The following IL16 variants were observed in gnomAD, a reference collection of about 807,000 sequenced individuals.
The protein encoded by IL16 is interleukin 16, also known as pro-interleukin-16.
In IL16, 67 loss-of-function variants were observed where a neutral mutation model predicts 110.1. The observed-to-expected ratio is 0.61, with a 90% confidence interval of 0.50 to 0.75. The LOEUF (loss-of-function observed/expected upper bound fraction) is 0.75. IL16 is among the 30% of genes least tolerant of loss of function. The pLI is 0.00. For missense variants in IL16, 1,545 were observed against 1,655.0 expected (o/e 0.93, Z 1.15); for synonymous variants, 689 against 662.9 (o/e 1.04, Z -0.61).
intron 2 of IL16, among the ~76,000 whole-genome samples, chr15:81,232,099 A>C (rs1240518845): frequency 3.6e-5 from 3 of 84,500 alleles, no homozygotes; most frequent in African/African-American, 1.2e-4. Flanking sequence ...TTAAAACTAG[A>C]CTTGGTTTTT....
chr15:81,186,030 G>A (rs529183333), intron 1 of IL16, among the ~76,000 whole-genome samples: 43 of 152,240 alleles, frequency 2.8e-4, no homozygotes, highest in African/African-American at 9.4e-4. Flanking sequence ...TGCTGGTGGG[G>A]CAAGGTTTTG....
upstream of IL16, among the ~76,000 whole-genome samples, chr15:81,194,937 C>T (rs550451639): frequency 3.9e-5 from 6 of 152,218 alleles, no homozygotes; most frequent in South Asian, 1.2e-3. Context: ...CTAACCAGGG[C>T]GGGGCTCTCT....
chr15:81,188,692 A>C (rs1009011956), intron 1 of IL16, among the ~76,000 whole-genome samples: 1 of 151,918 alleles, frequency 6.6e-6, no homozygotes, highest in Non-Finnish European at 1.5e-5. Flanking sequence ...CTCTGTGTCT[A>C]TGCATCTGAT....
intron 1 of IL16, among the ~76,000 whole-genome samples, chr15:81,207,435 T>G (rs893258188): frequency 6.6e-6 from 1 of 152,096 alleles, no homozygotes; most frequent in African/African-American, 2.4e-5. Context: ...GGGATACATA[T>G]GCAGATTTGT....
chr15:81,276,898 T>C (rs1391514124), intron 6 of IL16, among the ~76,000 whole-genome samples: 1 of 151,936 alleles, frequency 6.6e-6, no homozygotes, highest in Non-Finnish European at 1.5e-5. Flanking sequence ...TCAGCAGAAA[T>C]AACAAAGAGG....
At chr15:81,259,931 A>G in intron 3 of IL16, 51 bp downstream of exon 3, 1 of 1,146,804 alleles carries the variant, frequency 8.7e-7, no homozygotes, top group Non-Finnish European at 1.3e-6. Flanking sequence ...CTGTTCCTGG[A>G]TAGCAGGACT....
chr15:81,223,975 A>G (rs1357656851), intron 1 of IL16, among the ~76,000 whole-genome samples: 5 of 152,192 alleles, frequency 3.3e-5, no homozygotes, highest in African/African-American at 1.2e-4. Context: ...ATGGATCAAA[A>G]CCGAATTAAT....
At chr15:81,257,985 AACAC>A (rs1408211984) in intron 2 of IL16, among the ~76,000 whole-genome samples, 1 of 152,144 alleles carries the variant, frequency 6.6e-6, no homozygotes, top group Non-Finnish European at 1.5e-5. Flanking sequence ...CCTGAAAGAA[AACAC>A]ACACACAGAC....
intron 1 of IL16, among the ~76,000 whole-genome samples, chr15:81,211,339 C>T (rs533905860): frequency 6.6e-6 from 1 of 152,156 alleles, no homozygotes; most frequent in Non-Finnish European, 1.5e-5. Flanking sequence ...GCAACCTCCA[C>T]CTCCCAGGTT....
chr15:81,263,200 A>G (rs923028073), intron 3 of IL16, among the ~76,000 whole-genome samples: 17 of 152,214 alleles, frequency 1.1e-4, no homozygotes, highest in Non-Finnish European at 2.2e-4. Context: ...AAGATGAAGA[A>G]GTTAGCTTGG....
chr15:81,248,719 C>CTTTTTTTTTTTTTTTTTTTTTCT (rs61480285), intron 2 of IL16, among the ~76,000 whole-genome samples: 1 of 112,246 alleles, frequency 8.9e-6, no homozygotes, highest in Non-Finnish European at 1.8e-5. Flanking sequence ...TTCTTTCTTT[C>CTTTTTTTTTTTTTTTTTTTTTCT]TTTTTTTTTT....
At chr15:81,206,209 G>T (rs569542748) in intron 1 of IL16, among the ~76,000 whole-genome samples, 1 of 151,674 alleles carries the variant, frequency 6.6e-6, no homozygotes, top group Admixed American at 6.5e-5. Context: ...TTTCATCGTC[G>T]TACAAACGTT....
At chr15:81,210,427 A>G (rs1034656034) in intron 1 of IL16, among the ~76,000 whole-genome samples, 2 of 152,234 alleles carry the variant, frequency 1.3e-5, no homozygotes, top group Non-Finnish European at 2.9e-5. Flanking sequence ...TAGGAATAGC[A>G]TTCAATCTTT....
intron 1 of IL16, among the ~76,000 whole-genome samples, chr15:81,214,723 G>A (rs868513378): frequency 3.3e-5 from 5 of 152,072 alleles, no homozygotes; most frequent in Non-Finnish European, 5.9e-5. Context: ...ATTTTCCAAG[G>A]TGCTTATTCT....
intron 2 of IL16, among the ~76,000 whole-genome samples, chr15:81,249,015 G>A (rs79574185): frequency 0.023 from 3,477 of 151,900 alleles, 55 homozygotes; most frequent in Middle Eastern, 0.061. Context: ...ATAAGCCACC[G>A]CACCTGGACC....
chr15:81,272,847 G>A (rs116672237), intron 5 of IL16, among the ~76,000 whole-genome samples: 368 of 152,272 alleles, frequency 2.4e-3, no homozygotes, highest in African/African-American at 8.4e-3. Flanking sequence ...TCAGATTCCC[G>A]CGAAAGCTCC....
chr15:81,266,936 C>A (rs1265852610), intron 4 of IL16, among the ~76,000 whole-genome samples: 2 of 152,214 alleles, frequency 1.3e-5, no homozygotes, highest in Non-Finnish European at 2.9e-5. Context: ...CCCTTCCTTT[C>A]CTTGAGTCAA....
At chr15:81,203,740 T>A (rs1165539126) in intron 1 of IL16, among the ~76,000 whole-genome samples, 1 of 152,220 alleles carries the variant, frequency 6.6e-6, no homozygotes, top group Non-Finnish European at 1.5e-5. Context: ...TAGTATAGTT[T>A]GAAGTCAGGT....
In IL16 at chr15:81,261,662, C is replaced by T. The variant is rs188514186; in HGVS notation, c.421+1782C>T. On this transcript the variant is annotated intron_variant, in intron 3 of 18. Transcript: ENST00000683961. ...AATAGGCCTCGTTATTTTTCTAACC[C>T]GGCCCACCCCTCTGTGTATGGCTCC... Among the ~76,000 whole-genome samples, 54 of 152,194 alleles carry T rather than the reference C, an allele frequency of 3.5e-4. No homozygotes were observed. In the East Asian group the frequency reaches 0.01, roughly 28 times the overall value.
Sources: gnomAD v4.1 joint callset for allele counts (sites outside exome capture counted in the v4.1 genomes callset) on GRCh38, gnomAD v4.1.1 for gene constraint, MANE v1.5 for transcripts, NCBI Gene and HGNC (gene_info 2026-07-23, HGNC 2026-07-21) for gene names.